Variants in MCC observed in about 807,000 individuals in gnomAD.
MCC encodes the protein MCC regulator of Wnt signaling pathway.
MCC carries 90 observed loss-of-function variants against 116.2 expected under a neutral mutation model. That is an observed-to-expected ratio of 0.77 (90% CI 0.65 to 0.92). MCC has a LOEUF of 0.92. Ranked by LOEUF, MCC falls within the 40% of genes least tolerant of loss-of-function variation. The pLI is 0.00. For synonymous variants in MCC, 578 were observed against 510.5 expected (o/e 1.13, Z -1.78); for missense variants, 1,516 against 1,312.2 (o/e 1.16, Z -2.40).
chr5:113,341,952 C>T (rs995940796), intron 2 of MCC, among the ~76,000 whole-genome samples: 9 of 152,126 alleles, frequency 5.9e-5, no homozygotes, highest in South Asian at 2.1e-4. Flanking sequence ...GAACAGTGTA[C>T]GCTGTGCCCA....
chr5:113,042,341 G>A (rs567663017), intron 17 of MCC, among the ~76,000 whole-genome samples: 1 of 149,444 alleles, frequency 6.7e-6, no homozygotes, highest in South Asian at 2.1e-4. Context: ...CAGGTGTGGG[G>A]GCATGCACCT....
chr5:113,141,853 A>C (rs1331705985), intron 5 of MCC, among the ~76,000 whole-genome samples: 1 of 152,168 alleles, frequency 6.6e-6, no homozygotes, highest in Admixed American at 6.5e-5. Flanking sequence ...TGTATTTTTC[A>C]CAACTTACTG....
At chr5:113,456,139 T>G (rs1276294010) in intron 1 of MCC, among the ~76,000 whole-genome samples, 1 of 152,168 alleles carries the variant, frequency 6.6e-6, no homozygotes, top group East Asian at 1.9e-4. Flanking sequence ...GAGCCCCTGA[T>G]CTTAACTCCC....
At chr5:113,254,921 T>C (rs1263560878) in intron 3 of MCC, among the ~76,000 whole-genome samples, 5 of 152,124 alleles carry the variant, frequency 3.3e-5, no homozygotes, top group Non-Finnish European at 5.9e-5. Flanking sequence ...TCCCAGCACT[T>C]TGGGAGGCCG....
At chr5:113,069,994 A>G (rs1013444411) in intron 12 of MCC, among the ~76,000 whole-genome samples, 2 of 152,190 alleles carry the variant, frequency 1.3e-5, no homozygotes, top group African/African-American at 4.8e-5. Flanking sequence ...CATATTCCAG[A>G]GATGTGAGGA....
chr5:113,123,407 G>A lies in MCC; in HGVS notation c.885-581C>T, dbSNP rs180801494. 1.2e-4 allele frequency among the ~76,000 whole-genome samples: 18 copies of A among 152,288 alleles called. No individual in the cohort carries two copies. The East Asian group carries it at 3.3e-3, about 28-fold the overall frequency. On this transcript the variant is annotated intron_variant, in intron 5 of 18. Transcript: ENST00000408903. ...TCCCAAAGAAAGTAGGTAGAACTAG[G>A]GGGTAGGAAGAGAGGATGCAATGAG...
chr5:113,242,577 C>T (rs1020810984), intron 3 of MCC, among the ~76,000 whole-genome samples: 2 of 151,878 alleles, frequency 1.3e-5, no homozygotes, highest in African/African-American at 2.4e-5. Flanking sequence ...GTTTCCTATA[C>T]ATTCAGTGAC....
In MCC at chr5:113,488,366, CGCCGCT is replaced by C. The variant is rs1561598651; in HGVS notation, c.43_48del (p.Ser15_Gly16del). ...CTGCTGCCGCTGCCGCCGCCGCCGC[CGCCGCT>C]GCTGGAGCTCCCCGCAGCCGCTGCC... is the stretch of plus-strand genomic sequence containing the variant. On this transcript the variant is annotated inframe_deletion, in exon 1 of 19. Transcript: ENST00000408903. The C allele has an allele frequency of 1.3e-6, 2 of 1,520,478 alleles. No individual in the cohort carries two copies. The highest frequency in any genetic ancestry group is 1.8e-6 in the Non-Finnish European group (2 of 1,139,768). The allele number at this position is 1,520,478 out of a possible 1,614,324, so 94.2% of individuals were successfully genotyped here. A position where few individuals can be genotyped will look rare whatever the true frequency, so the allele number is the denominator to read the frequency against.
intron 8 of MCC, among the ~76,000 whole-genome samples, chr5:113,093,554 A>G (rs1434831587): frequency 1.3e-5 from 2 of 152,036 alleles, no homozygotes; most frequent in Non-Finnish European, 2.9e-5. Context: ...CAGAGTGGGA[A>G]AGTGAGATGT....
At position 113,023,801 on chromosome 5, in the gene MCC, C is replaced by G. The variant is rs966951843; in HGVS notation, c.*3501G>C. On this transcript the variant is annotated 3_prime_UTR_variant, in exon 19 of 19. Coordinates refer to ENST00000408903, the MANE Select transcript of MCC (RefSeq NM_001085377.2). ...GCTTGATAATCGAAACTCTTGAGAG[C>G]TATTAAGGTTGACTGATAGACTTAA... 2.0e-5 allele frequency: 3 copies of G among 152,226 alleles called. No homozygotes were observed. In the East Asian group the frequency reaches 5.8e-4, roughly 29 times the overall value. 9.4% of individuals were successfully genotyped at this position (152,226 alleles called of 1,614,324 possible).
At chr5:113,356,719 C>G (rs964241955) in intron 2 of MCC, among the ~76,000 whole-genome samples, 3 of 152,152 alleles carry the variant, frequency 2.0e-5, no homozygotes, top group Admixed American at 6.6e-5. Context: ...GCTTATTTAC[C>G]AAAGGCACTA....
intron 3 of MCC, among the ~76,000 whole-genome samples, chr5:113,223,811 G>T (rs1187504575): frequency 6.6e-5 from 10 of 152,138 alleles, no homozygotes; most frequent in Non-Finnish European, 2.9e-5. Flanking sequence ...CCTGGCTAGA[G>T]ATTTGACATT....
intron 1 of MCC, among the ~76,000 whole-genome samples, chr5:113,440,433 C>T (rs1771001202): frequency 6.6e-6 from 1 of 152,144 alleles, no homozygotes; most frequent in Non-Finnish European, 1.5e-5. Context: ...ATGGACACAC[C>T]ACTCTATAGT....
intron 11 of MCC, 46 bp from the exon 12 acceptor site, chr5:113,071,280 T>C: frequency 6.3e-7 from 1 of 1,590,512 alleles, no homozygotes; most frequent in African/African-American, 1.3e-5. Context: ...TACAGTTAAT[T>C]TGCCAATATT....
intron 1 of MCC, among the ~76,000 whole-genome samples, chr5:113,470,525 C>G (rs1355216009): frequency 1.3e-5 from 2 of 152,226 alleles, no homozygotes; most frequent in East Asian, 3.8e-4. Context: ...TCTCTTCTGG[C>G]TTGTAGAGTT....
At chr5:113,268,721 TTA>T (rs1266154641) in intron 3 of MCC, among the ~76,000 whole-genome samples, 1 of 152,200 alleles carries the variant, frequency 6.6e-6, no homozygotes, top group Non-Finnish European at 1.5e-5. Flanking sequence ...AAAAATTTTT[TTA>T]GTTTGGGAGG....
chr5:113,488,238 C>G lies in MCC; in HGVS notation c.170+7G>C. ...TCCTGTCGGTTTCCTCGTACCTCCC[C>G]GCGTACCTGCTGATGTATCCGTCCC... On this transcript the variant is annotated splice_region_variant and intron_variant, in intron 1 of 18. Coordinates refer to ENST00000408903, the MANE Select transcript of MCC (RefSeq NM_001085377.2). 1 of 1,586,400 alleles carries G rather than the reference C, an allele frequency of 6.3e-7. No individual in the cohort carries two copies.
At chr5:113,162,519 C>T (rs1036969101) in intron 3 of MCC, among the ~76,000 whole-genome samples, 11 of 151,824 alleles carry the variant, frequency 7.2e-5, no homozygotes, top group Non-Finnish European at 1.3e-4. Context: ...TTCCCTGAGA[C>T]ATGGTCTCAC....
chr5:113,090,697 G>T (rs1345585034), intron 8 of MCC, among the ~76,000 whole-genome samples: 1 of 152,196 alleles, frequency 6.6e-6, no homozygotes, highest in Non-Finnish European at 1.5e-5. Context: ...AGAGCAGGAA[G>T]GACAAGAATG....
Sources: gnomAD v4.1 joint callset for allele counts (sites outside exome capture counted in the v4.1 genomes callset) on GRCh38, gnomAD v4.1.1 for gene constraint, MANE v1.5 for transcripts, NCBI Gene and HGNC (gene_info 2026-07-23, HGNC 2026-07-21) for gene names.